Variants in BCLAF3 observed in about 807,000 individuals in gnomAD.
The protein encoded by BCLAF3 is transient octamer binding factor 1.
In BCLAF3, 24 loss-of-function variants were observed where a neutral mutation model predicts 51.2. The ratio of observed to expected loss-of-function variants is 0.47; its 90% confidence interval spans 0.34 to 0.66. The LOEUF is 0.66. Ranked by LOEUF, BCLAF3 falls within the 30% of genes least tolerant of loss-of-function variation. BCLAF3 has a pLI of 0.01. For synonymous variants in BCLAF3, 152 were observed against 176.6 expected (o/e 0.86, Z 1.10); for missense variants, 465 against 525.1 (o/e 0.89, Z 1.12).
intron 4 of BCLAF3, among the ~76,000 whole-genome samples, chrX:19,958,293 C>G (rs2071733451): frequency 8.9e-6 from 1 of 111,803 alleles, no homozygotes; most frequent in Admixed American, 9.5e-5. Context: ...TAGGACTCAT[C>G]AAAGAAATGA....
At position 19,915,209 on chromosome X, in the gene BCLAF3, T is replaced by C. The variant is rs1347261463; in HGVS notation, c.*2096A>G. 2.7e-5 allele frequency: 3 copies of C among 112,054 alleles called. No homozygotes were observed. The Admixed American group carries it at 2.9e-4, about 11-fold the overall frequency. The allele number at this position is 112,054 out of a possible 1,213,427, so 9.2% of individuals were successfully genotyped here. A position where few individuals can be genotyped will look rare whatever the true frequency, so the allele number is the denominator to read the frequency against. On this transcript the variant is annotated 3_prime_UTR_variant, in exon 12 of 12. Transcript: ENST00000379682. Reference sequence around the variant, plus strand: ...TGGATAACCTTTTGTTCAATCTCCATATGAAAATTACACATGTAGTTCCTA... The same window carrying C: ...TGGATAACCTTTTGTTCAATCTCCACATGAAAATTACACATGTAGTTCCTA...
chrX:19,973,541 C>A (rs183458467), intron 1 of BCLAF3, among the ~76,000 whole-genome samples: 5 of 111,440 alleles, frequency 4.5e-5, no homozygotes, highest in Non-Finnish European at 1.9e-5. Context: ...GTCCCCTACA[C>A]CACACTACTT....
At chrX:19,953,698 G>A (rs1490774517) in intron 6 of BCLAF3, 80 bp downstream of exon 6, 59 of 763,779 alleles carry the variant, frequency 7.7e-5, no homozygotes, top group South Asian at 6.2e-5. Flanking sequence ...GAGCAGGTTC[G>A]GAAAGCAGCC....
intron 8 of BCLAF3, among the ~76,000 whole-genome samples, chrX:19,946,240 C>T (rs1452664828): frequency 1.8e-5 from 2 of 112,338 alleles, no homozygotes; most frequent in African/African-American, 6.5e-5. Flanking sequence ...TCTTCTGCGT[C>T]GCTCACGCTG....
chrX:19,965,097 C>T lies in BCLAF3; in HGVS notation c.1221G>A (p.Arg407=), dbSNP rs1471954688. 2 of 1,191,725 alleles carry T rather than the reference C, an allele frequency of 1.7e-6. No individual in the cohort carries two copies. The highest frequency in any genetic ancestry group is 3.6e-5 in the African/African-American group (2 of 55,890). Residue 407 remains arginine, a synonymous_variant, in exon 4 of 12, where the codon AGG becomes AGA. Coordinates refer to ENST00000379682, the MANE Select transcript of BCLAF3 (RefSeq NM_001367774.2). ...CTACTTTAACTGTAAGTGATTTCTT[C>T]CTAAGATTGATAGGCGAGGGTTTCA... ...PDVKPSPINL[R]KKSLTVKVDV...
At chrX:19,944,882 T>C (rs1216738081) in intron 8 of BCLAF3, among the ~76,000 whole-genome samples, 2 of 95,289 alleles carry the variant, frequency 2.1e-5, no homozygotes, top group Non-Finnish European at 4.1e-5. Flanking sequence ...TCCAACTTGG[T>C]TCCATTCTCC....
chrX:19,978,013 T>C (rs2072481525), intron 1 of BCLAF3, among the ~76,000 whole-genome samples: 1 of 109,727 alleles, frequency 9.1e-6, no homozygotes, highest in Admixed American at 9.8e-5. Context: ...TGAGACCTAC[T>C]GCTCAAAAAA....
intron 5 of BCLAF3, among the ~76,000 whole-genome samples, chrX:19,954,686 G>T (rs1333461782): frequency 8.9e-6 from 1 of 111,936 alleles, no homozygotes; most frequent in African/African-American, 3.2e-5. Context: ...CATATTTTAT[G>T]AAGGTAAGAA....
At chrX:19,959,774 C>T (rs758580081) in intron 4 of BCLAF3, among the ~76,000 whole-genome samples, 9 of 109,676 alleles carry the variant, frequency 8.2e-5, no homozygotes, top group African/African-American at 1.3e-4. Context: ...AAGACTCTGC[C>T]GAGAGAGAGA....
intron 11 of BCLAF3, among the ~76,000 whole-genome samples, chrX:19,923,746 G>A (rs1311529666): frequency 3.6e-5 from 4 of 111,284 alleles, no homozygotes; most frequent in African/African-American, 1.3e-4. Flanking sequence ...CATACAATAT[G>A]TGGTCTTTTG....
chrX:19,980,211 A>G (rs995403503), intron 1 of BCLAF3, among the ~76,000 whole-genome samples: 3 of 112,054 alleles, frequency 2.7e-5, no homozygotes, highest in Non-Finnish European at 5.6e-5. Context: ...CCTAATAAAA[A>G]CTATGTGATT....
At chrX:19,979,391 C>T (rs1389038947) in intron 1 of BCLAF3, among the ~76,000 whole-genome samples, 4 of 111,385 alleles carry the variant, frequency 3.6e-5, no homozygotes, top group African/African-American at 1.3e-4. Context: ...CTTAGAGGAC[C>T]ATCAGCATTT....
At chrX:19,947,993 A>G (rs780936332) in intron 8 of BCLAF3, among the ~76,000 whole-genome samples, 128 of 112,682 alleles carry the variant, frequency 1.1e-3, no homozygotes, top group Non-Finnish European at 1.9e-3. Context: ...AAAGGATAAT[A>G]TATTTTTCTT....
chrX:19,980,938 C>CAA (rs758538366), intron 1 of BCLAF3, among the ~76,000 whole-genome samples: 4 of 50,959 alleles, frequency 7.8e-5, no homozygotes, highest in Non-Finnish European at 1.2e-4. Context: ...GACTCCGTCT[C>CAA]AAAAAAAAAA....
At chrX:19,947,994 T>C (rs1477654658) in intron 8 of BCLAF3, among the ~76,000 whole-genome samples, 1 of 112,513 alleles carries the variant, frequency 8.9e-6, no homozygotes, top group African/African-American at 3.2e-5. Flanking sequence ...AAGGATAATA[T>C]ATTTTTCTTA....
chrX:19,987,653 A>C (rs768034359), intron 1 of BCLAF3, among the ~76,000 whole-genome samples: 1 of 112,382 alleles, frequency 8.9e-6, no homozygotes, highest in Non-Finnish European at 1.9e-5. Flanking sequence ...TTAATTTATC[A>C]AACGTGACTA....
intron 2 of BCLAF3, among the ~76,000 whole-genome samples, chrX:19,967,529 G>A (rs980046181): frequency 6.3e-5 from 7 of 111,554 alleles, no homozygotes; most frequent in Admixed American, 1.9e-4. Context: ...CCACTAAGGC[G>A]GAAGGCTTCT....
intron 1 of BCLAF3, among the ~76,000 whole-genome samples, chrX:19,982,846 G>A (rs1370774441): frequency 9.1e-6 from 1 of 110,188 alleles, no homozygotes; most frequent in Non-Finnish European, 1.9e-5. Context: ...AATGTGGGTG[G>A]GCTTAATCCA....
At chrX:19,982,941 T>C (rs2072663881) in intron 1 of BCLAF3, among the ~76,000 whole-genome samples, 1 of 101,857 alleles carries the variant, frequency 9.8e-6, no homozygotes, top group African/African-American at 3.8e-5. Flanking sequence ...TAAACCAAAG[T>C]GATTCCTTTT....
Sources: gnomAD v4.1 joint callset for allele counts (sites outside exome capture counted in the v4.1 genomes callset) on GRCh38, gnomAD v4.1.1 for gene constraint, MANE v1.5 for transcripts, NCBI Gene and HGNC (gene_info 2026-07-23, HGNC 2026-07-21) for gene names.